LPIN1: variants seen among roughly 807,000 people sequenced by gnomAD.
LPIN1 encodes lipin 1, also known as phosphatidate phosphatase LPIN1.
LPIN1 carries 71 observed loss-of-function variants against 107.5 expected under a neutral mutation model. The observed-to-expected ratio is 0.66, with a 90% CI of 0.55 to 0.80. The LOEUF (loss-of-function observed/expected upper bound fraction) is 0.80, where lower values mean the gene tolerates loss of function less well. Among genes scored for constraint, LPIN1 ranks in the 30% least tolerant of loss-of-function variants. LPIN1 has a pLI of 0.00. For missense variants in LPIN1, 1,043 were observed against 1,160.6 expected, an observed-to-expected ratio of 0.90 and a Z score of 1.47; for synonymous variants, 445 against 452.6, an observed-to-expected ratio of 0.98 and a Z score of 0.21.
chr2:11,798,749 C>G (rs1677157325), intron 14 of LPIN1, among the ~76,000 whole-genome samples: 1 of 150,648 alleles, frequency 6.6e-6, no homozygotes, highest in Non-Finnish European at 1.5e-5. Context: ...GACTTTGAGT[C>G]TCCTTATTAG....
At chr2:11,689,330 C>T (rs1347217407) in intron 1 of LPIN1, among the ~76,000 whole-genome samples, 1 of 152,188 alleles carries the variant, frequency 6.6e-6, no homozygotes, top group Non-Finnish European at 1.5e-5. Flanking sequence ...GCTTTGCCAT[C>T]TGGAAGTTCT....
chr2:11,722,730 G>C (rs1664240197), upstream of LPIN1, among the ~76,000 whole-genome samples: 2 of 152,166 alleles, frequency 1.3e-5, no homozygotes, highest in African/African-American at 4.8e-5. Flanking sequence ...GTACACTTTT[G>C]AGGATGAGAA....
Position 11,774,667 on chromosome 2 carries a change from C to T in LPIN1, c.722+922C>T, listed in dbSNP as rs1203277642. On this transcript the variant is annotated intron_variant, in intron 5 of 20. Transcript: ENST00000674199. This position sits in a 1 kb window ranked among gnomAD's most constrained non-coding sequence, Gnocchi z 4.4. ...GAAACTCTGGGTTCCTACCTGAAGC[C>T]GGTCTTATCAAAACGCCACCCCTGG... 3.3e-5 allele frequency among the ~76,000 whole-genome samples: 5 copies of T among 152,066 alleles called. No individual in the cohort carries two copies. Among genetic ancestry groups the T allele is most frequent in the Admixed American group, 2.6e-4 (4 of 15,268 alleles).
At chr2:11,779,894 T>TG (rs1423667973) in intron 7 of LPIN1, among the ~76,000 whole-genome samples, 2 of 149,166 alleles carry the variant, frequency 1.3e-5, no homozygotes, top group Non-Finnish European at 3.0e-5. Context: ...TTTTTTTTTT[T>TG]TCTTGAGACA....
chr2:11,724,377 G>A, exon 1 of LPIN1: 1 of 986,316 alleles, frequency 1.0e-6, no homozygotes. Context: ...GAGAGAGGAT[G>A]GGAGGCGAGG....
Position 11,820,492 on chromosome 2 carries a change from C to A in LPIN1, c.2599C>A (p.His867Asn). 1 of 1,611,558 alleles carries A rather than the reference C, an allele frequency of 6.2e-7. No homozygotes were observed. The highest frequency in any genetic ancestry group is 8.5e-7 in the Non-Finnish European group (1 of 1,177,646). ...CCCTAAAGGAGAGCTGGTACAGGAA[C>A]ATGCAAAGACCAACATCTCTTCGTG... ...VNPKGELVQE[H>N]AKTNISSYVR... The change falls in exon 20 of 21, where the codon CAT becomes AAT. Residue 867 changes from histidine to asparagine, a missense_variant. Transcript: ENST00000674199.
At chr2:11,699,964 A>G (rs1187103451) in intron 1 of LPIN1, among the ~76,000 whole-genome samples, 1 of 152,184 alleles carries the variant, frequency 6.6e-6, no homozygotes, top group Non-Finnish European at 1.5e-5. Flanking sequence ...TGTAATACCC[A>G]CAGCATTTGG....
intron 11 of LPIN1, among the ~76,000 whole-genome samples, chr2:11,787,758 G>A (rs1043523116): frequency 6.6e-6 from 1 of 151,950 alleles, no homozygotes; most frequent in Non-Finnish European, 1.5e-5. Flanking sequence ...TGGCTAACAC[G>A]GTGAAACCCC....
At chr2:11,810,010 C>A (rs559020909) in intron 17 of LPIN1, among the ~76,000 whole-genome samples, 4 of 152,282 alleles carry the variant, frequency 2.6e-5, no homozygotes, top group Non-Finnish European at 4.4e-5. Flanking sequence ...ATGCTCTGCT[C>A]CTGGCTGTGT....
Position 11,786,957 on chromosome 2 carries a change from A to G in LPIN1, c.1550-117A>G, listed in dbSNP as rs372231417. On this transcript the variant is annotated intron_variant, in intron 10 of 20. Coordinates refer to ENST00000674199, the MANE Select transcript of LPIN1 (RefSeq NM_001349206.2). The surrounding 1 kb of genome is among the most constrained non-coding windows in gnomAD (Gnocchi z 4.1). ...ATACATTTTATAGGATTGTCTGCACAGTTGGAATGCACAAACTCTCAGAAA... is the reference window on the plus strand; with the variant it reads ...ATACATTTTATAGGATTGTCTGCACGGTTGGAATGCACAAACTCTCAGAAA... 6.7e-4 allele frequency: 508 copies of G among 755,222 alleles called. 4 individuals carry two copies. In the African/African-American group the frequency reaches 7.4e-3, roughly 11 times the overall value. 46.8% of individuals were successfully genotyped at this position (755,222 alleles called of 1,614,324 possible).
At chr2:11,679,069 C>T (rs897043248) in intron 1 of LPIN1, among the ~76,000 whole-genome samples, 1 of 152,238 alleles carries the variant, frequency 6.6e-6, no homozygotes, top group Non-Finnish European at 1.5e-5. Flanking sequence ...AGGTGGGGCT[C>T]TTATGAAGCT....
chr2:11,821,253 A>G (rs867578450), intron 20 of LPIN1, among the ~76,000 whole-genome samples: 1 of 152,106 alleles, frequency 6.6e-6, no homozygotes, highest in South Asian at 2.1e-4. Flanking sequence ...ACGGTGGCTC[A>G]TGCCTGTAAT....
At chr2:11,822,963 A>G (rs756999062) in intron 20 of LPIN1, 2 of 152,178 alleles carry the variant, frequency 1.3e-5, no homozygotes, top group Non-Finnish European at 2.9e-5. Flanking sequence ...GACATTTTAC[A>G]CCTGGACTGG....
chr2:11,780,978 C>A (rs1449210689), intron 7 of LPIN1, among the ~76,000 whole-genome samples: 1 of 152,138 alleles, frequency 6.6e-6, no homozygotes, highest in Non-Finnish European at 1.5e-5. Flanking sequence ...TCTTTTCTTT[C>A]AAGAAATTTT....
intron 1 of LPIN1, among the ~76,000 whole-genome samples, chr2:11,694,167 C>A (rs1449799795): frequency 6.6e-6 from 1 of 151,750 alleles, no homozygotes; most frequent in Non-Finnish European, 1.5e-5. Context: ...TCTGCATGCC[C>A]AATGCCTAGC....
chr2:11,748,586 C>G (rs918483969), intron 1 of LPIN1, among the ~76,000 whole-genome samples: 2 of 152,190 alleles, frequency 1.3e-5, no homozygotes, highest in African/African-American at 2.4e-5. Context: ...AGGGTGCCAG[C>G]GAGGAGGGGC....
chr2:11,785,003 C>G lies in LPIN1; in HGVS notation c.1476C>G (p.Asp492Glu), dbSNP rs758039218. ...GVDSGVESTSDGLRDLPSIAI... is the reference protein window; with the variant it reads ...GVDSGVESTSEGLRDLPSIAI... Reference sequence around the variant, plus strand: ...ACAGTGGCGTGGAGAGCACCTCGGACGGGCTGAGGGACCTCCCTTCCATCG... The same window carrying G: ...ACAGTGGCGTGGAGAGCACCTCGGAGGGGCTGAGGGACCTCCCTTCCATCG... Residue 492 changes from aspartate to glutamate, a missense_variant, in exon 10 of 21, where the codon GAC (aspartate) becomes GAG (glutamate). By Grantham distance (45) the Asp-to-Glu change is conservative. Coordinates refer to ENST00000674199, the MANE Select transcript of LPIN1 (RefSeq NM_001349206.2). The G allele has an allele frequency of 1.2e-6, 2 of 1,613,040 alleles. No individual in the cohort carries two copies. The highest frequency in any genetic ancestry group is 2.7e-5 in the African/African-American group (2 of 75,030).
At chr2:11,704,779 G>C (rs1663045936) in intron 1 of LPIN1, among the ~76,000 whole-genome samples, 1 of 152,132 alleles carries the variant, frequency 6.6e-6, no homozygotes, top group Admixed American at 6.5e-5. Context: ...TCCCCTGCAG[G>C]GCTCTGCTCC....
In LPIN1 at chr2:11,754,092, C is replaced by T. The variant is rs1668301875; in HGVS notation, c.-10+7421C>T. ...AAGCCCAGCTGGGGAGCCGACAGTGCCTTCCCTAGAGGAAGGGTGCCAGGG... is the reference window on the plus strand; with the variant it reads ...AAGCCCAGCTGGGGAGCCGACAGTGTCTTCCCTAGAGGAAGGGTGCCAGGG... On this transcript the variant is annotated intron_variant, in intron 1 of 20. Transcript: ENST00000674199. Among the ~76,000 whole-genome samples the T allele has an allele frequency of 2.0e-5, 3 of 152,302 alleles. No individual in the cohort carries two copies. The South Asian group carries it at 6.2e-4, about 32-fold the overall frequency.
Sources: gnomAD v4.1 joint callset for allele counts (sites outside exome capture counted in the v4.1 genomes callset) on GRCh38, gnomAD v4.1.1 for gene constraint, Gnocchi (gnomAD v3.1) non-coding constraint, MANE v1.5 for transcripts, NCBI Gene and HGNC (gene_info 2026-07-23, HGNC 2026-07-21) for gene names.